The following GMDS variants were observed in gnomAD, a reference collection of about 807,000 sequenced individuals.
GMDS encodes the protein GDP-mannose 4,6-dehydratase.
A neutral mutation model predicts 49.9 loss-of-function variants in GMDS; 20 were observed. The ratio of observed to expected loss-of-function variants is 0.40; its 90% CI spans 0.28 to 0.58. GMDS has a LOEUF of 0.58. Among genes scored for constraint, GMDS ranks in the 20% least tolerant of loss-of-function variants. GMDS has a pLI of 0.42. For synonymous variants in GMDS, 177 were observed against 178.6 expected (o/e 0.99, Z 0.07); for missense variants, 362 against 481.4 (o/e 0.75, Z 2.32).
chr6:2,058,184 C>T (rs1383208646), intron 4 of GMDS, among the ~76,000 whole-genome samples: 1 of 151,920 alleles, frequency 6.6e-6, no homozygotes, highest in Non-Finnish European at 1.5e-5. Context: ...ATGATGAAAC[C>T]CTGTCTCCAC....
intron 1 of GMDS, among the ~76,000 whole-genome samples, chr6:2,156,607 A>AT (rs1184709342): frequency 6.6e-6 from 1 of 152,184 alleles, no homozygotes; most frequent in Non-Finnish European, 1.5e-5. Context: ...GTTTTAAGAA[A>AT]TAAAAAAAAC....
chr6:1,997,381 G>A (rs1766354701), intron 4 of GMDS, among the ~76,000 whole-genome samples: 1 of 151,760 alleles, frequency 6.6e-6, no homozygotes, highest in African/African-American at 2.4e-5. Flanking sequence ...GGTGGCACAC[G>A]CCTGTAGTCC....
At chr6:1,944,656 C>A (rs1300716173) in intron 6 of GMDS, among the ~76,000 whole-genome samples, 3 of 124,974 alleles carry the variant, frequency 2.4e-5, no homozygotes, top group East Asian at 4.6e-4. Context: ...GGTGACAGAG[C>A]GAGACTCCGT....
intron 7 of GMDS, among the ~76,000 whole-genome samples, chr6:1,777,818 C>T (rs571166839): frequency 6.6e-6 from 1 of 152,158 alleles, no homozygotes; most frequent in Non-Finnish European, 1.5e-5. Flanking sequence ...GCAGACGGCT[C>T]ACCATGAATA....
chr6:1,631,817 A>G lies in GMDS; in HGVS notation c.988-7277T>C, dbSNP rs114039907. 7.4e-3 allele frequency among the ~76,000 whole-genome samples: 1,124 copies of G among 152,318 alleles called. 9 individuals are homozygous for G. Among genetic ancestry groups the G allele is most frequent in the African/African-American group, 0.026 (1,082 of 41,564 alleles). On this transcript the variant is annotated intron_variant, in intron 9 of 10. Coordinates refer to ENST00000380815, the MANE Select transcript of GMDS (RefSeq NM_001500.4). ...CCTAGCCAAACACCTGACCACATCCAGATTCTTGCTTTTTGGCCATTTCTC... is the reference window on the plus strand; with the variant it reads ...CCTAGCCAAACACCTGACCACATCCGGATTCTTGCTTTTTGGCCATTTCTC...
At chr6:2,040,183 T>A (rs1301494674) in intron 4 of GMDS, among the ~76,000 whole-genome samples, 2 of 152,204 alleles carry the variant, frequency 1.3e-5, no homozygotes, top group African/African-American at 4.8e-5. Context: ...AGACCACCCT[T>A]GTACCTCTCT....
chr6:2,154,550 T>C (rs55812259), intron 1 of GMDS, among the ~76,000 whole-genome samples: 5 of 152,256 alleles, frequency 3.3e-5, no homozygotes, highest in Non-Finnish European at 7.4e-5. Flanking sequence ...ACCACAAGTA[T>C]GCACCAATTC....
Position 1,918,588 on chromosome 6 carries a change from A to G in GMDS, c.771+11515T>C, listed in dbSNP as rs1282633005. Among the ~76,000 whole-genome samples the G allele has an allele frequency of 5.3e-5, 8 of 151,990 alleles. No homozygotes were observed. The East Asian group carries it at 1.2e-3, about 22-fold the overall frequency. ...TAGGGAGGCCTCATCTCTACTAAAAAGAAAAAAAAATTCAGCCGGGCATGG... is the reference window on the plus strand; with the variant it reads ...TAGGGAGGCCTCATCTCTACTAAAAGGAAAAAAAAATTCAGCCGGGCATGG... On this transcript the variant is annotated intron_variant, in intron 7 of 10. Transcript: ENST00000380815.
chr6:1,989,751 C>A (rs1221661894), intron 4 of GMDS, among the ~76,000 whole-genome samples: 2 of 152,254 alleles, frequency 1.3e-5, no homozygotes, highest in Non-Finnish European at 2.9e-5. Flanking sequence ...CACAATCACA[C>A]TCCTGGCTAG....
intron 2 of GMDS, among the ~76,000 whole-genome samples, chr6:2,124,350 A>T (rs1383228827): frequency 6.6e-6 from 1 of 152,194 alleles, no homozygotes; most frequent in African/African-American, 2.4e-5. Context: ...CTTCATGGTG[A>T]GTAGGACTTT....
intron 9 of GMDS, among the ~76,000 whole-genome samples, chr6:1,714,702 A>C (rs1349808733): frequency 6.6e-6 from 1 of 152,246 alleles, no homozygotes; most frequent in Non-Finnish European, 1.5e-5. Flanking sequence ...TTTCTTATGG[A>C]GGCTCAGAGC....
At chr6:1,736,342 A>C (rs558773363) in intron 8 of GMDS, among the ~76,000 whole-genome samples, 15 of 152,332 alleles carry the variant, frequency 9.8e-5, no homozygotes, top group African/African-American at 3.4e-4. Flanking sequence ...ACAGAGAGGA[A>C]GAAAGCGAGA....
intron 7 of GMDS, among the ~76,000 whole-genome samples, chr6:1,911,396 C>T (rs1431188612): frequency 3.9e-5 from 6 of 152,114 alleles, no homozygotes; most frequent in Non-Finnish European, 8.8e-5. Flanking sequence ...GGGAATGTTT[C>T]CCATCCCAAA....
At chr6:1,788,541 T>C (rs1486541508) in intron 7 of GMDS, among the ~76,000 whole-genome samples, 1 of 152,096 alleles carries the variant, frequency 6.6e-6, no homozygotes, top group African/African-American at 2.4e-5. Flanking sequence ...ACACTAGCAA[T>C]GGAAGGGGAA....
intron 4 of GMDS, among the ~76,000 whole-genome samples, chr6:2,032,455 A>G (rs60488115): frequency 6.6e-6 from 1 of 152,318 alleles, no homozygotes; most frequent in African/African-American, 2.4e-5. Context: ...TGGTACCACA[A>G]TATTAAATTT....
At chr6:1,955,210 C>T (rs370449793) in intron 6 of GMDS, among the ~76,000 whole-genome samples, 1 of 151,972 alleles carries the variant, frequency 6.6e-6, no homozygotes, top group Non-Finnish European at 1.5e-5. Flanking sequence ...TTTAAGTGTA[C>T]CCAAACAGAA....
chr6:2,119,893 C>A (rs1330816290), intron 2 of GMDS, among the ~76,000 whole-genome samples: 1 of 152,086 alleles, frequency 6.6e-6, no homozygotes, highest in African/African-American at 2.4e-5. Context: ...AAGTTCTTTC[C>A]ATTTAAAACA....
intron 1 of GMDS, among the ~76,000 whole-genome samples, chr6:2,202,435 A>C (rs68131824): frequency 3.2e-5 from 1 of 31,162 alleles, no homozygotes; most frequent in African/African-American, 6.6e-5. Flanking sequence ...ATTTCTTTCT[A>C]TTTTTTTTTT....
intron 1 of GMDS, among the ~76,000 whole-genome samples, chr6:2,216,434 G>A (rs1483724009): frequency 3.3e-5 from 5 of 152,218 alleles, no homozygotes; most frequent in Admixed American, 2.6e-4. Context: ...CAGAGTAACA[G>A]GCATGTGTTT....
Sources: gnomAD v4.1 joint callset for allele counts (sites outside exome capture counted in the v4.1 genomes callset) on GRCh38, gnomAD v4.1.1 for gene constraint, MANE v1.5 for transcripts, NCBI Gene and HGNC (gene_info 2026-07-23, HGNC 2026-07-21) for gene names.